Variants in CEP164 observed in about 807,000 individuals in gnomAD.
CEP164 encodes centrosomal protein 164, also known as centrosomal protein of 164 kDa.
Under a neutral mutation model 182.7 loss-of-function variants are expected in CEP164, and 162 were observed. The observed-to-expected ratio is 0.89, with a 90% CI of 0.78 to 1.01. The LOEUF (loss-of-function observed/expected upper bound fraction) is 1.01, where lower values mean the gene tolerates loss of function less well. Ranked by LOEUF, CEP164 falls within the 50% of genes least tolerant of loss-of-function variation. The pLI is 0.00. For missense variants in CEP164, 1,735 were observed against 1,790.4 expected (o/e 0.97, Z 0.56); for synonymous variants, 661 against 690.0 (o/e 0.96, Z 0.66).
chr11:117,409,860 T>G lies in CEP164; in HGVS notation c.3991T>G (p.Ser1331Ala). ...AGCCTTATCATCTGCTACACCCACG[T>G]CCACCCAATGGGCCTGGGATTCAGG... is the stretch of plus-strand genomic sequence containing the variant. The part of the protein sequence containing the change: ...FSALSSATPT[S>A]TQWAWDSGQG... Residue 1331 changes from serine to alanine, a missense_variant, in exon 30 of 33, where the codon TCC (serine) becomes GCC (alanine). Physicochemically the swap from Ser to Ala is moderately conservative, Grantham distance 99 (BLOSUM62 1). Coordinates refer to ENST00000278935, the MANE Select transcript of CEP164 (RefSeq NM_014956.5). The surrounding 1 kb of genome is among the most constrained non-coding windows in gnomAD (Gnocchi z 4.4). The G allele has an allele frequency of 1.3e-6, 2 of 1,552,188 alleles. No homozygotes were observed. The highest frequency in any genetic ancestry group is 1.7e-6 in the Non-Finnish European group (2 of 1,146,542).
At chr11:117,401,584 C>T (rs751080835) in intron 27 of CEP164, among the ~76,000 whole-genome samples, 13 of 152,238 alleles carry the variant, frequency 8.5e-5, no homozygotes, top group Non-Finnish European at 2.9e-5. Flanking sequence ...TGGTAGAATT[C>T]GGCTTTAAAT....
chr11:117,381,094 AG>A (rs1197666209), intron 12 of CEP164, among the ~76,000 whole-genome samples: 1 of 151,824 alleles, frequency 6.6e-6, no homozygotes. Flanking sequence ...GTCGCATTGG[AG>A]GGTTGGTACT....
chr11:117,380,729 C>T, intron 12 of CEP164, 24 bp downstream of exon 12: 1 of 1,575,308 alleles, frequency 6.3e-7, no homozygotes. Flanking sequence ...GAGGCTATCC[C>T]CAGCGCTGTG....
intron 27 of CEP164, among the ~76,000 whole-genome samples, chr11:117,405,944 T>G (rs1457513261): frequency 6.6e-6 from 1 of 152,204 alleles, no homozygotes; most frequent in African/African-American, 2.4e-5. Flanking sequence ...TCAGCATTTT[T>G]GTCAAAGCCA....
intron 1 of CEP164, among the ~76,000 whole-genome samples, chr11:117,322,277 G>A (rs552232805): frequency 4.6e-5 from 7 of 151,848 alleles, no homozygotes; most frequent in South Asian, 4.2e-4. Flanking sequence ...CACCATGCCC[G>A]GCTAATTTTT....
At chr11:117,396,734 C>A in intron 26 of CEP164, 123 bp downstream of exon 26, 2 of 832,944 alleles carry the variant, frequency 2.4e-6, no homozygotes, top group Middle Eastern at 2.5e-4. Flanking sequence ...GGGCTTAGTT[C>A]ATGGGGAAGG....
chr11:117,411,983 T>C lies in CEP164; in HGVS notation c.4286+66T>C. 6.2e-7 allele frequency: 1 copy of C among 1,611,096 alleles called. No individual in the cohort carries two copies. The highest frequency in any genetic ancestry group is 8.5e-7 in the Non-Finnish European group (1 of 1,178,272). ...GGACTGTGCTTGTGCCCTGAGGGGC[T>C]GAGGAGGATCCTGTTCAGCCTTTGA... On this transcript the variant is annotated intron_variant, in intron 32 of 32. Coordinates refer to ENST00000278935, the MANE Select transcript of CEP164 (RefSeq NM_014956.5). The surrounding 1 kb of genome is among the most constrained non-coding windows in gnomAD (Gnocchi z 4.4).
rs1332468069 is a variant in CEP164 at position 117,354,000 on chromosome 11, TCTC to T, written c.393+2015_393+2017del. 7.3e-3 allele frequency among the ~76,000 whole-genome samples: 508 copies of T among 69,392 alleles called. 2 individuals are homozygous for T. The highest frequency in any genetic ancestry group is 0.027 in the African/African-American group (416 of 15,660). The allele number at this position is 69,392 out of a possible 152,430, so 45.5% of individuals were successfully genotyped here. A position where few individuals can be genotyped will look rare whatever the true frequency, so the allele number is the denominator to read the frequency against. ...GGTAAGGTTGGTGGACTTTTCTTCT[TCTC>T]CTTCTTCTTCTTCTTCTTCTTTTTT... is the stretch of plus-strand genomic sequence containing the variant. On this transcript the variant is annotated intron_variant, in intron 5 of 32. Transcript: ENST00000278935.
At chr11:117,334,624 A>G (rs2036747317) in intron 1 of CEP164, among the ~76,000 whole-genome samples, 1 of 152,078 alleles carries the variant, frequency 6.6e-6, no homozygotes, top group South Asian at 2.1e-4. Context: ...AATCTCTACT[A>G]AAAATCCAGA....
chr11:117,330,046 T>C (rs570564139), intron 1 of CEP164, among the ~76,000 whole-genome samples: 17 of 152,168 alleles, frequency 1.1e-4, no homozygotes, highest in Admixed American at 2.0e-4. Context: ...ATTTTCTTCT[T>C]TTTTGCCTTT....
rs1292718952 is a variant in CEP164, at chr11:117,379,848, C to CT, written c.1318-764dup. On this transcript the variant is annotated intron_variant, in intron 11 of 32. Transcript: ENST00000278935. ...TGAGACCTTGCCTCAAAGAATAGTTCTTCCTTTTTTTTTTTTTTTTTTTTT... is the reference window on the plus strand; with the variant it reads ...TGAGACCTTGCCTCAAAGAATAGTTCTTTCCTTTTTTTTTTTTTTTTTTTTT... 1.1e-3 allele frequency among the ~76,000 whole-genome samples: 132 copies of CT among 123,308 alleles called. 2 individuals carry two copies. The highest frequency in any genetic ancestry group is 3.7e-3 in the African/African-American group (124 of 33,404). 80.9% of individuals were successfully genotyped at this position (123,308 alleles called of 152,430 possible). A position where few individuals can be genotyped will look rare whatever the true frequency, so the allele number is the denominator to read the frequency against.
intron 5 of CEP164, among the ~76,000 whole-genome samples, chr11:117,354,676 G>A (rs756174570): frequency 6.6e-6 from 1 of 151,094 alleles, no homozygotes; most frequent in Non-Finnish European, 1.5e-5. Flanking sequence ...GCCCAAGGGA[G>A]TTTTTATCTT....
chr11:117,370,277 C>A (rs2042072581), intron 8 of CEP164, among the ~76,000 whole-genome samples: 1 of 151,978 alleles, frequency 6.6e-6, no homozygotes, highest in African/African-American at 2.4e-5. Flanking sequence ...ACCCAGGAGG[C>A]TTTAGGGGCG....
rs114818990 is a variant in CEP164 at position 117,353,434 on chromosome 11, T to C, written c.393+1446T>C. 7.3e-3 allele frequency among the ~76,000 whole-genome samples: 1,114 copies of C among 152,276 alleles called. 24 individuals carry two copies. Among genetic ancestry groups the C allele is most frequent in the African/African-American group, 0.024 (994 of 41,550 alleles). Reference sequence around the variant, plus strand: ...CAAAAGGTGGCCACAGGGCTTTTCATGGACCCAGGATTATTTGAAGTGGTA... The same window carrying C: ...CAAAAGGTGGCCACAGGGCTTTTCACGGACCCAGGATTATTTGAAGTGGTA... On this transcript the variant is annotated intron_variant, in intron 5 of 32. Coordinates refer to ENST00000278935, the MANE Select transcript of CEP164 (RefSeq NM_014956.5).
intron 4 of CEP164, among the ~76,000 whole-genome samples, chr11:117,350,323 T>G (rs2039464346): frequency 6.6e-6 from 1 of 151,874 alleles, no homozygotes; most frequent in Non-Finnish European, 1.5e-5. Flanking sequence ...CCACCTCAAG[T>G]CTCCTGAGTA....
At chr11:117,379,687 A>G (rs2043107183) in intron 11 of CEP164, among the ~76,000 whole-genome samples, 1 of 151,970 alleles carries the variant, frequency 6.6e-6, no homozygotes, top group African/African-American at 2.4e-5. Context: ...CATTTTATAC[A>G]GTGGAGGAGA....
chr11:117,379,904 C>T (rs2043138475), intron 11 of CEP164, among the ~76,000 whole-genome samples: 1 of 147,180 alleles, frequency 6.8e-6, no homozygotes, highest in Non-Finnish European at 1.5e-5. Context: ...TCACTAGTCA[C>T]CCAAGCTTTA....
intron 17 of CEP164, 90 bp from the exon 18 acceptor site, chr11:117,392,136 G>A: frequency 8.6e-7 from 1 of 1,159,818 alleles, no homozygotes; most frequent in Non-Finnish European, 1.2e-6. Flanking sequence ...TGATCTCGAG[G>A]GCTTGGGGGT....
chr11:117,361,214 C>T (rs558090393), intron 5 of CEP164, among the ~76,000 whole-genome samples: 7 of 134,290 alleles, frequency 5.2e-5, no homozygotes, highest in East Asian at 4.9e-4. Context: ...GAATTACAGG[C>T]GTGAGCCACT....
Sources: gnomAD v4.1 joint callset for allele counts (sites outside exome capture counted in the v4.1 genomes callset) on GRCh38, gnomAD v4.1.1 for gene constraint, Gnocchi (gnomAD v3.1) non-coding constraint, MANE v1.5 for transcripts, NCBI Gene and HGNC (gene_info 2026-07-23, HGNC 2026-07-21) for gene names.